The following MAF variants were observed in gnomAD, a reference collection of about 807,000 sequenced individuals.
MAF encodes MAF bZIP transcription factor, also known as transcription factor Maf.
Under a neutral mutation model 22.0 loss-of-function variants are expected in MAF, and 10 were observed. That is an observed-to-expected ratio of 0.45 (90% CI 0.28 to 0.77). The LOEUF (loss-of-function observed/expected upper bound fraction) is 0.77, where lower values mean the gene tolerates loss of function less well. MAF is among the 30% of genes least tolerant of loss of function. The pLI, the probability that MAF is intolerant of heterozygous loss-of-function variation, is 0.12. For missense variants in MAF, 544 were observed against 548.4 expected (o/e 0.99, Z 0.08); for synonymous variants, 337 against 255.8 (o/e 1.32, Z -3.03).
chr16:79,336,917 A>C, the MAF span, among the ~76,000 whole-genome samples: 2 of 152,344 alleles, frequency 1.3e-5, no homozygotes, highest in South Asian at 2.1e-4. Flanking sequence ...CCTGGGGTGT[A>C]CAAGACGTTG....
the MAF span, among the ~76,000 whole-genome samples, chr16:79,364,946 C>G: frequency 6.6e-6 from 1 of 152,182 alleles, no homozygotes; most frequent in Non-Finnish European, 1.5e-5. Context: ...GCATCACACA[C>G]AAGTGGTTCA....
At chr16:79,382,926 C>T in the MAF span, among the ~76,000 whole-genome samples, 6 of 152,194 alleles carry the variant, frequency 3.9e-5, no homozygotes, top group African/African-American at 7.2e-5. Context: ...TTTGGCCTTT[C>T]GAGCCCAGGT....
the MAF span, among the ~76,000 whole-genome samples, chr16:79,214,091 C>T: frequency 6.6e-6 from 1 of 152,158 alleles, no homozygotes; most frequent in Admixed American, 6.5e-5. Context: ...CTTTCTTCCT[C>T]ACTGATTTTT....
the MAF span, among the ~76,000 whole-genome samples, chr16:79,231,932 G>A: frequency 6.6e-6 from 1 of 152,008 alleles, no homozygotes; most frequent in Non-Finnish European, 1.5e-5. Flanking sequence ...GGGAAGCAGT[G>A]ACAGATCATC....
chr16:79,403,100 A>C, the MAF span, among the ~76,000 whole-genome samples: 1 of 152,156 alleles, frequency 6.6e-6, no homozygotes, highest in African/African-American at 2.4e-5. Context: ...CAGTTCTCTT[A>C]TCTGTGAAAT....
chr16:79,596,994 C>T (rs1597844488), intron 1 of MAF: 3 of 1,053,490 alleles, frequency 2.8e-6, no homozygotes, highest in Non-Finnish European at 3.4e-6. Context: ...GTAAAATACC[C>T]CTACAGATAT....
downstream of MAF, among the ~76,000 whole-genome samples, chr16:79,581,700 G>A (rs958976326): frequency 4.6e-5 from 7 of 152,184 alleles, no homozygotes; most frequent in African/African-American, 1.7e-4. Flanking sequence ...GATGATGCTT[G>A]CCGAGGGAAA....
the MAF span, among the ~76,000 whole-genome samples, chr16:79,210,695 C>A: frequency 6.6e-6 from 1 of 151,998 alleles, no homozygotes; most frequent in African/African-American, 2.4e-5. Context: ...TCCCTCTGAA[C>A]AGCAGCCTAT....
the MAF span, among the ~76,000 whole-genome samples, chr16:79,358,496 C>T: frequency 1.3e-5 from 2 of 152,122 alleles, no homozygotes; most frequent in African/African-American, 4.8e-5. Flanking sequence ...CTCCAGAGAT[C>T]CCAGCCAGGC....
chr16:79,428,615 G>T, the MAF span, among the ~76,000 whole-genome samples: 1 of 152,044 alleles, frequency 6.6e-6, no homozygotes, highest in African/African-American at 2.4e-5. Context: ...CGAGGCAGGT[G>T]GATCACTTGA....
the MAF span, among the ~76,000 whole-genome samples, chr16:79,317,789 C>G: frequency 6.6e-6 from 1 of 152,184 alleles, no homozygotes; most frequent in Non-Finnish European, 1.5e-5. Flanking sequence ...CCACTGGACA[C>G]ATGACATCAT....
At chr16:79,544,795 A>G in the MAF span, among the ~76,000 whole-genome samples, 318 of 149,440 alleles carry the variant, frequency 2.1e-3, 1 homozygote, top group African/African-American at 7.0e-3. Flanking sequence ...AAAAAATGTC[A>G]GTAGCAACAG....
At chr16:79,306,315 G>A in the MAF span, among the ~76,000 whole-genome samples, 1 of 152,186 alleles carries the variant, frequency 6.6e-6, no homozygotes, top group African/African-American at 2.4e-5. Flanking sequence ...AATGGAGACA[G>A]CAACAGTACC....
the MAF span, among the ~76,000 whole-genome samples, chr16:79,231,333 A>C: frequency 2.6e-5 from 4 of 152,104 alleles, no homozygotes; most frequent in Non-Finnish European, 5.9e-5. Flanking sequence ...TAAAACTGGA[A>C]ATGAGCTCTT....
At chr16:79,412,208 G>T in the MAF span, among the ~76,000 whole-genome samples, 2 of 152,194 alleles carry the variant, frequency 1.3e-5, no homozygotes, top group African/African-American at 4.8e-5. Context: ...GAGCTTTCAG[G>T]GAGGCTGATG....
the MAF span, among the ~76,000 whole-genome samples, chr16:79,245,523 G>A: frequency 6.6e-6 from 1 of 152,050 alleles, no homozygotes; most frequent in African/African-American, 2.4e-5. Context: ...TCTCACACCA[G>A]TTAGAATGGC....
the MAF span, among the ~76,000 whole-genome samples, chr16:79,231,693 T>C: frequency 6.6e-6 from 1 of 152,064 alleles, no homozygotes; most frequent in Non-Finnish European, 1.5e-5. Flanking sequence ...TTCTCAACCT[T>C]TTTGGCACCA....
At chr16:79,544,891 G>C in the MAF span, among the ~76,000 whole-genome samples, 1 of 152,036 alleles carries the variant, frequency 6.6e-6, no homozygotes, top group Middle Eastern at 3.4e-3. Context: ...ATCACAGAAA[G>C]AGGTGCTAAC....
chr16:79,573,918 C>A, the MAF span, among the ~76,000 whole-genome samples: 2 of 152,196 alleles, frequency 1.3e-5, no homozygotes, highest in Admixed American at 6.5e-5. Flanking sequence ...GGTCATTTCA[C>A]AAACTTTTAC....
Sources: allele counts gnomAD v4.1 joint callset (sites outside exome capture counted in the v4.1 genomes callset), GRCh38; gene constraint gnomAD v4.1.1; transcripts MANE v1.5; gene names NCBI Gene and HGNC (gene_info 2026-07-23, HGNC 2026-07-21).